The following CEP63 variants were observed in gnomAD, a reference collection of about 807,000 sequenced individuals.
CEP63 encodes centrosomal protein of 63 kDa.
A neutral mutation model predicts 89.1 loss-of-function variants in CEP63; 84 were observed. The observed-to-expected ratio is 0.94, with a 90% confidence interval of 0.79 to 1.13. CEP63 has a LOEUF of 1.13. Ranked by LOEUF, CEP63 falls within the 50% of genes most tolerant of loss-of-function variation. The pLI is 0.00. For missense variants in CEP63, 838 were observed against 813.3 expected (o/e 1.03, Z -0.37); for synonymous variants, 267 against 272.5 (o/e 0.98, Z 0.20).
At chr3:134,776,266 T>A in the CEP63 span, among the ~76,000 whole-genome samples, 1 of 152,178 alleles carries the variant, frequency 6.6e-6, no homozygotes, top group African/African-American at 2.4e-5. Flanking sequence ...AGAAATATAA[T>A]GCAAGCCACA....
At chr3:134,738,140 A>T in the CEP63 span, among the ~76,000 whole-genome samples, 5 of 152,180 alleles carry the variant, frequency 3.3e-5, no homozygotes, top group Non-Finnish European at 7.4e-5. Flanking sequence ...TAAAAAGAAT[A>T]TCAAGAATTA....
At chr3:134,490,270 T>C (rs1159527590) in intron 1 of CEP63, among the ~76,000 whole-genome samples, 1 of 152,214 alleles carries the variant, frequency 6.6e-6, no homozygotes, top group Non-Finnish European at 1.5e-5. Flanking sequence ...TACAGTTTTT[T>C]CACACGTTGG....
the CEP63 span, among the ~76,000 whole-genome samples, chr3:134,676,002 A>C: frequency 2.0e-5 from 3 of 152,234 alleles, no homozygotes; most frequent in African/African-American, 7.2e-5. Flanking sequence ...CACAGTTACC[A>C]TATGTACTAC....
At chr3:134,702,110 C>T in the CEP63 span, among the ~76,000 whole-genome samples, 8 of 152,052 alleles carry the variant, frequency 5.3e-5, no homozygotes, top group African/African-American at 1.7e-4. Flanking sequence ...AACTTCCATT[C>T]ACAATTGCCA....
the CEP63 span, among the ~76,000 whole-genome samples, chr3:134,645,602 C>T: frequency 2.6e-5 from 4 of 152,216 alleles, no homozygotes; most frequent in Non-Finnish European, 4.4e-5. Context: ...TGCATGCAAA[C>T]GTACCATTTG....
the CEP63 span, among the ~76,000 whole-genome samples, chr3:134,601,462 C>A: frequency 6.6e-6 from 1 of 152,214 alleles, no homozygotes; most frequent in Non-Finnish European, 1.5e-5. Context: ...GAGTGACATG[C>A]GTCATCGAAG....
the CEP63 span, among the ~76,000 whole-genome samples, chr3:134,641,538 G>T: frequency 7.6e-4 from 116 of 152,252 alleles, 2 homozygotes; most frequent in Non-Finnish European, 5.0e-4. Flanking sequence ...AGGAATGAAT[G>T]CACCCCTAGA....
intron 2 of CEP63, among the ~76,000 whole-genome samples, chr3:134,499,059 G>A (rs930280705): frequency 6.6e-6 from 1 of 152,166 alleles, no homozygotes; most frequent in Non-Finnish European, 1.5e-5. Flanking sequence ...TGTAGAATGA[G>A]TTAGGAAAAT....
the CEP63 span, among the ~76,000 whole-genome samples, chr3:134,760,601 C>T: frequency 2.0e-5 from 3 of 152,152 alleles, no homozygotes; most frequent in African/African-American, 7.2e-5. Flanking sequence ...CTATGTGTCC[C>T]CCAGTGATGG....
chr3:134,652,898 G>A, the CEP63 span, among the ~76,000 whole-genome samples: 2 of 152,186 alleles, frequency 1.3e-5, no homozygotes, highest in Admixed American at 1.3e-4. Context: ...TGCCGGATGG[G>A]TCTGAGTGTT....
the CEP63 span, among the ~76,000 whole-genome samples, chr3:134,611,348 C>T: frequency 6.6e-6 from 1 of 152,280 alleles, no homozygotes; most frequent in African/African-American, 2.4e-5. Context: ...GCTGTGGGCA[C>T]CAGTCCAAGG....
the CEP63 span, among the ~76,000 whole-genome samples, chr3:134,620,588 A>T: frequency 6.6e-6 from 1 of 152,072 alleles, no homozygotes. Flanking sequence ...GGTGAATTTT[A>T]TCCTCCTTGG....
chr3:134,619,108 T>C, the CEP63 span: 11 of 1,504,232 alleles, frequency 7.3e-6, no homozygotes, highest in Non-Finnish European at 1.0e-5. Flanking sequence ...GGGAGAGGGA[T>C]GGGTCCGGTG....
the CEP63 span, among the ~76,000 whole-genome samples, chr3:134,758,892 A>G: frequency 1.3e-5 from 2 of 152,202 alleles, no homozygotes; most frequent in Non-Finnish European, 2.9e-5. Flanking sequence ...GGGACTCTGC[A>G]GATGTGATTC....
At chr3:134,669,907 T>C in the CEP63 span, among the ~76,000 whole-genome samples, 16 of 152,226 alleles carry the variant, frequency 1.1e-4, no homozygotes, top group Admixed American at 1.0e-3. Flanking sequence ...AATGTGATGA[T>C]ATTTGGAGAT....
At chr3:134,638,948 A>G in the CEP63 span, among the ~76,000 whole-genome samples, 1 of 151,122 alleles carries the variant, frequency 6.6e-6, no homozygotes, top group Non-Finnish European at 1.5e-5. Flanking sequence ...ACGGGTGTAT[A>G]TGTGTGTGGA....
At chr3:134,496,284 C>T (rs1939917135) in intron 2 of CEP63, among the ~76,000 whole-genome samples, 1 of 152,164 alleles carries the variant, frequency 6.6e-6, no homozygotes, top group African/African-American at 2.4e-5. Context: ...ATAGTCAGAG[C>T]CATGGGCATA....
chr3:134,501,556 A>G (rs1197419110), intron 2 of CEP63, among the ~76,000 whole-genome samples: 1 of 125,936 alleles, frequency 7.9e-6, no homozygotes, highest in Non-Finnish European at 1.7e-5. Context: ...CTCTGTAGTT[A>G]GATGTATTCT....
At chr3:134,643,268 TG>T in the CEP63 span, 8 of 1,588,862 alleles carry the variant, frequency 5.0e-6, no homozygotes, top group African/African-American at 1.1e-4. Flanking sequence ...GCATCAGGTC[TG>T]GGCACACCTC....
Sources: allele counts gnomAD v4.1 joint callset (sites outside exome capture counted in the v4.1 genomes callset), GRCh38; gene constraint gnomAD v4.1.1; transcripts MANE v1.5; gene names NCBI Gene and HGNC (gene_info 2026-07-23, HGNC 2026-07-21).